Variants in PTPRD observed in about 807,000 individuals in gnomAD.
The protein encoded by PTPRD is receptor-type tyrosine-protein phosphatase delta.
PTPRD carries 34 observed loss-of-function variants against 214.5 expected under a neutral mutation model. That is an observed-to-expected ratio of 0.16 (90% CI 0.12 to 0.21). The LOEUF (loss-of-function observed/expected upper bound fraction) is 0.21. PTPRD is among the 10% of genes least tolerant of loss of function. The pLI is 1.00. For synonymous variants in PTPRD, 1,128 were observed against 845.7 expected (o/e 1.33, Z -5.79); for missense variants, 2,545 against 2,398.7 (o/e 1.06, Z -1.27).
intron 8 of PTPRD, among the ~76,000 whole-genome samples, chr9:9,539,233 T>G (rs555486850): frequency 1.5e-4 from 23 of 152,014 alleles, no homozygotes; most frequent in African/African-American, 5.1e-4. Flanking sequence ...GGATGCACAC[T>G]GAAGAATCAG....
At chr9:8,524,404 G>A (rs1476007497) in intron 18 of PTPRD, among the ~76,000 whole-genome samples, 2 of 152,082 alleles carry the variant, frequency 1.3e-5, no homozygotes, top group African/African-American at 4.8e-5. Flanking sequence ...GAAAGTATAC[G>A]AAGACAGAAA....
At chr9:10,184,011 C>A (rs890118575) in intron 3 of PTPRD, among the ~76,000 whole-genome samples, 4 of 152,166 alleles carry the variant, frequency 2.6e-5, no homozygotes, top group Non-Finnish European at 4.4e-5. Flanking sequence ...TGGTCACATG[C>A]ACGTATACAT....
At chr9:9,901,140 A>C (rs2076304045) in intron 5 of PTPRD, among the ~76,000 whole-genome samples, 1 of 152,140 alleles carries the variant, frequency 6.6e-6, no homozygotes, top group Admixed American at 6.5e-5. Flanking sequence ...TAACACGGCG[A>C]GACTGGAAGC....
intron 8 of PTPRD, among the ~76,000 whole-genome samples, chr9:9,404,241 T>TTGTCTTAAACA (rs2072234301): frequency 6.6e-6 from 1 of 152,072 alleles, no homozygotes; most frequent in Non-Finnish European, 1.5e-5. Flanking sequence ...CATTATGGTT[T>TTGTCTTAAACA]TGTCTTAAAC....
At chr9:10,126,946 C>CTTTTTTTTTT (rs34691762) in intron 3 of PTPRD, among the ~76,000 whole-genome samples, 14 of 130,592 alleles carry the variant, frequency 1.1e-4, no homozygotes, top group African/African-American at 3.5e-4. Context: ...CTCAAATGGA[C>CTTTTTTTTTT]TTTTTTTTTT....
chr9:8,344,066 C>CA (rs74407737), intron 39 of PTPRD, among the ~76,000 whole-genome samples: 9,218 of 152,110 alleles, frequency 0.061, 351 homozygotes, highest in South Asian at 0.16. Flanking sequence ...GAACCTAAGT[C>CA]AGACTCAACC....
rs145605822 is a variant in PTPRD at position 9,919,528 on chromosome 9, C to G, written c.-368+18979G>C. 2.6e-4 allele frequency among the ~76,000 whole-genome samples: 40 copies of G among 152,250 alleles called. No homozygotes were observed. In the East Asian group the frequency reaches 7.3e-3, roughly 28 times the overall value. The stretch of plus-strand genomic sequence containing the variant: ...CGGATAATTATTCAAATGAAGTACA[C>G]TTAAGAGCTTGCATTGTCTAAAGGC... On this transcript the variant is annotated intron_variant, in intron 5 of 45. Coordinates refer to ENST00000381196, the MANE Select transcript of PTPRD (RefSeq NM_002839.4).
At chr9:9,797,543 G>A (rs1418480340) in intron 5 of PTPRD, among the ~76,000 whole-genome samples, 1 of 152,030 alleles carries the variant, frequency 6.6e-6, no homozygotes, top group Non-Finnish European at 1.5e-5. Flanking sequence ...TATACTTGAC[G>A]AAAAGGATCG....
intron 5 of PTPRD, among the ~76,000 whole-genome samples, chr9:9,930,752 C>T (rs1042197191): frequency 1.3e-5 from 2 of 151,828 alleles, no homozygotes; most frequent in African/African-American, 4.8e-5. Context: ...TACTTTTCCA[C>T]AAAATGAAGC....
intron 2 of PTPRD, among the ~76,000 whole-genome samples, chr9:10,482,586 A>C (rs2099107866): frequency 6.6e-6 from 1 of 152,086 alleles, no homozygotes; most frequent in Non-Finnish European, 1.5e-5. Context: ...CCTCAAAAAG[A>C]TTATGATTTA....
intron 9 of PTPRD, among the ~76,000 whole-genome samples, chr9:9,248,384 G>A (rs547402690): frequency 3.0e-4 from 45 of 152,068 alleles, no homozygotes; most frequent in African/African-American, 8.2e-4. Context: ...ATGAGCCACC[G>A]TGCCTGGCCT....
chr9:8,704,718 G>A (rs1377968108), intron 12 of PTPRD, among the ~76,000 whole-genome samples: 1 of 150,652 alleles, frequency 6.6e-6, no homozygotes, highest in Admixed American at 6.7e-5. Context: ...CACGAGGTCA[G>A]GAGTCGAAGA....
intron 2 of PTPRD, among the ~76,000 whole-genome samples, chr9:10,453,462 A>C (rs1566142742): frequency 2.0e-5 from 3 of 151,634 alleles, no homozygotes; most frequent in Non-Finnish European, 3.0e-5. Flanking sequence ...CTTTCCAATT[A>C]TGTGTATTCT....
At chr9:9,228,079 C>T (rs2099960694) in intron 9 of PTPRD, among the ~76,000 whole-genome samples, 1 of 152,090 alleles carries the variant, frequency 6.6e-6, no homozygotes, top group Non-Finnish European at 1.5e-5. Flanking sequence ...TTGCTGGGCA[C>T]AGTAGCCCAT....
chr9:10,327,608 T>C (rs1477506046), intron 3 of PTPRD, among the ~76,000 whole-genome samples: 1 of 151,696 alleles, frequency 6.6e-6, no homozygotes, highest in Non-Finnish European at 1.5e-5. Context: ...ATAAATTAAA[T>C]ATATATTAAA....
chr9:10,172,942 A>C (rs201221693), intron 3 of PTPRD, among the ~76,000 whole-genome samples: 15,965 of 152,170 alleles, frequency 0.1, 1,087 homozygotes, highest in South Asian at 0.2. Context: ...ACTTAAATAA[A>C]ACTAATAGTG....
At chr9:8,391,830 G>C (rs1379245545) in intron 36 of PTPRD, among the ~76,000 whole-genome samples, 1 of 152,120 alleles carries the variant, frequency 6.6e-6, no homozygotes, top group Non-Finnish European at 1.5e-5. Context: ...GGATGGAGGA[G>C]ATGCACAGGA....
At chr9:8,990,638 A>G (rs923936381) in intron 11 of PTPRD, among the ~76,000 whole-genome samples, 2 of 152,132 alleles carry the variant, frequency 1.3e-5, no homozygotes, top group Non-Finnish European at 2.9e-5. Flanking sequence ...AGCCAGCCAA[A>G]AAAACTAAAA....
At chr9:10,017,181 G>T (rs533165813) in intron 4 of PTPRD, among the ~76,000 whole-genome samples, 55 of 152,170 alleles carry the variant, frequency 3.6e-4, no homozygotes, top group African/African-American at 1.3e-3. Flanking sequence ...GGTGGACATC[G>T]AATATTAATT....
Sources: gnomAD v4.1 joint callset for allele counts (sites outside exome capture counted in the v4.1 genomes callset) on GRCh38, gnomAD v4.1.1 for gene constraint, MANE v1.5 for transcripts, NCBI Gene and HGNC (gene_info 2026-07-23, HGNC 2026-07-21) for gene names.